SORBS2: variants seen among roughly 807,000 people sequenced by gnomAD.
The protein encoded by SORBS2 is sorbin and SH3 domain-containing protein 2.
SORBS2 carries 46 observed loss-of-function variants against 97.7 expected under a neutral mutation model. That is an observed-to-expected ratio of 0.47 (90% CI 0.37 to 0.60). SORBS2 has a LOEUF of 0.60. SORBS2 is among the 20% of genes least tolerant of loss of function. The probability of loss-of-function intolerance (pLI) is 0.00; values close to 1 mark genes in which losing one functional copy is unlikely to be tolerated. For synonymous variants in SORBS2, 476 were observed against 473.4 expected (o/e 1.01, Z -0.07); for missense variants, 1,316 against 1,282.3 (o/e 1.03, Z -0.40).
intron 1 of SORBS2, among the ~76,000 whole-genome samples, chr4:185,931,792 A>G (rs1480817272): frequency 8.0e-6 from 1 of 124,878 alleles, no homozygotes; most frequent in Non-Finnish European, 1.7e-5. Context: ...AGAAAAAGAC[A>G]GGAGAGGCAG....
chr4:185,818,025 G>T (rs1010050729), intron 1 of SORBS2, among the ~76,000 whole-genome samples: 1 of 152,158 alleles, frequency 6.6e-6, no homozygotes, highest in Admixed American at 6.5e-5. Context: ...TCCCCAATCC[G>T]CACTGGAAAT....
intron 4 of SORBS2, among the ~76,000 whole-genome samples, chr4:185,672,943 A>G (rs1561835385): frequency 6.6e-6 from 1 of 152,242 alleles, no homozygotes; most frequent in African/African-American, 2.4e-5. Context: ...GCATATCACA[A>G]TCATCAAGAT....
At chr4:185,952,487 T>G (rs866953672) in intron 1 of SORBS2, among the ~76,000 whole-genome samples, 2 of 152,318 alleles carry the variant, frequency 1.3e-5, no homozygotes, top group African/African-American at 4.8e-5. Flanking sequence ...GGTCCTTGAG[T>G]AGCATGGAAT....
intron 1 of SORBS2, among the ~76,000 whole-genome samples, chr4:185,950,536 ATTCT>A (rs1183718994): frequency 6.6e-6 from 1 of 152,148 alleles, no homozygotes; most frequent in East Asian, 1.9e-4. Flanking sequence ...CCTCATAGAG[ATTCT>A]TTATTCAAAT....
chr4:185,840,614 T>C (rs2099210901), intron 1 of SORBS2, among the ~76,000 whole-genome samples: 1 of 152,350 alleles, frequency 6.6e-6, no homozygotes, highest in African/African-American at 2.4e-5. Context: ...AGCGATGATC[T>C]CTGAGACCTG....
rs373438117 is a variant in SORBS2, at chr4:185,752,523, G to A, written c.-198+22704C>T. ...GATCTCCTGACCTTGTGATCTGCCC[G>A]CCTCGGCCTCCCAAAGTGCTGGGAT... On this transcript the variant is annotated intron_variant, in intron 2 of 20. Transcript: ENST00000284776. 1.2e-3 allele frequency among the ~76,000 whole-genome samples: 178 copies of A among 152,154 alleles called. 6 individuals are homozygous for A. In the East Asian group the frequency reaches 0.028, roughly 24 times the overall value.
At chr4:185,935,011 A>G (rs1247603340) in intron 1 of SORBS2, among the ~76,000 whole-genome samples, 1 of 152,174 alleles carries the variant, frequency 6.6e-6, no homozygotes, top group Non-Finnish European at 1.5e-5. Flanking sequence ...AGTACCTTCT[A>G]TGTATGAAAT....
intron 2 of SORBS2, among the ~76,000 whole-genome samples, chr4:185,761,839 T>C (rs2098895187): frequency 6.6e-6 from 1 of 152,250 alleles, no homozygotes; most frequent in African/African-American, 2.4e-5. Context: ...AACACAGGGC[T>C]ATTTATGTCT....
At chr4:185,608,212 A>G (rs1467205451) in intron 12 of SORBS2, among the ~76,000 whole-genome samples, 2 of 152,208 alleles carry the variant, frequency 1.3e-5, no homozygotes, top group Non-Finnish European at 2.9e-5. Flanking sequence ...TATGTTTGCA[A>G]GGTGATTACA....
chr4:185,821,966 A>G (rs1245021656), intron 1 of SORBS2, among the ~76,000 whole-genome samples: 1 of 152,224 alleles, frequency 6.6e-6, no homozygotes, highest in African/African-American at 2.4e-5. Context: ...AAATTATAAG[A>G]CATACCACTA....
intron 1 of SORBS2, among the ~76,000 whole-genome samples, chr4:185,812,627 GGA>G (rs1405606550): frequency 6.6e-6 from 1 of 152,138 alleles, no homozygotes; most frequent in African/African-American, 2.4e-5. Context: ...GCTGCAAACG[GGA>G]GAGTTACACT....
chr4:185,827,267 CCATCATCACCATCAT>C (rs2099201079), intron 1 of SORBS2, among the ~76,000 whole-genome samples: 1 of 27,526 alleles, frequency 3.6e-5, no homozygotes, highest in Non-Finnish European at 8.0e-5. Flanking sequence ...ACCATCATCA[CCATCATCACCATCAT>C]CATCACCATC....
chr4:185,699,789 G>T (rs1460907164), intron 2 of SORBS2, among the ~76,000 whole-genome samples: 1 of 152,132 alleles, frequency 6.6e-6, no homozygotes, highest in Non-Finnish European at 1.5e-5. Context: ...AGACAATAAA[G>T]ACAGATATCT....
At chr4:185,633,335 C>G (rs889697282) in intron 4 of SORBS2, among the ~76,000 whole-genome samples, 9 of 152,088 alleles carry the variant, frequency 5.9e-5, no homozygotes, top group Non-Finnish European at 1.3e-4. Flanking sequence ...AATATATTTT[C>G]TTACATTCTG....
chr4:185,910,587 T>C (rs1001801005), intron 1 of SORBS2, among the ~76,000 whole-genome samples: 2 of 152,118 alleles, frequency 1.3e-5, no homozygotes, highest in Non-Finnish European at 2.9e-5. Context: ...TCACTCTCTT[T>C]CCCAGGCTGG....
intron 1 of SORBS2, among the ~76,000 whole-genome samples, chr4:185,936,739 T>C (rs1315715223): frequency 6.6e-6 from 1 of 152,166 alleles, no homozygotes. Context: ...GTCATCACGT[T>C]GATTAGAAAT....
chr4:185,950,798 T>C (rs963265141), intron 1 of SORBS2, among the ~76,000 whole-genome samples: 6 of 152,180 alleles, frequency 3.9e-5, no homozygotes, highest in African/African-American at 1.2e-4. Context: ...AATCGCACTA[T>C]GGCCTGCACG....
chr4:185,651,795 G>T, intron 2 of SORBS2: 2 of 1,501,386 alleles, frequency 1.3e-6, no homozygotes, highest in Non-Finnish European at 1.9e-6. Context: ...TGCATTGTAT[G>T]TATAAGGAGT....
intron 1 of SORBS2, among the ~76,000 whole-genome samples, chr4:185,812,508 C>A (rs1363118282): frequency 2.0e-5 from 3 of 152,170 alleles, no homozygotes; most frequent in African/African-American, 7.2e-5. Context: ...GGAAGTGAAG[C>A]CCTATTAGTG....
Sources: allele counts gnomAD v4.1 joint callset (sites outside exome capture counted in the v4.1 genomes callset), GRCh38; gene constraint gnomAD v4.1.1; transcripts MANE v1.5; gene names NCBI Gene and HGNC (gene_info 2026-07-23, HGNC 2026-07-21).